Variants in SIPA1L2 observed in about 807,000 individuals in gnomAD.
The protein encoded by SIPA1L2 is signal-induced proliferation-associated 1-like protein 2.
In SIPA1L2, 56 loss-of-function variants were observed where a neutral mutation model predicts 163.9. The ratio of observed to expected loss-of-function variants is 0.34; its 90% CI spans 0.28 to 0.43. The LOEUF (loss-of-function observed/expected upper bound fraction) is 0.43. Among genes scored for constraint, SIPA1L2 ranks in the 20% least tolerant of loss-of-function variants. The pLI is 1.00. For synonymous variants in SIPA1L2, 877 were observed against 865.7 expected, an observed-to-expected ratio of 1.01 and a Z score of -0.23; for missense variants, 1,974 against 2,193.5, an observed-to-expected ratio of 0.90 and a Z score of 2.00.
At chr1:232,566,574 T>C (rs778697188) in intron 2 of SIPA1L2, among the ~76,000 whole-genome samples, 7 of 152,218 alleles carry the variant, frequency 4.6e-5, no homozygotes, top group Non-Finnish European at 7.3e-5. Flanking sequence ...AATAACACTG[T>C]AGAAGGCTTG....
At chr1:232,581,696 G>A (rs2765876) in intron 1 of SIPA1L2, among the ~76,000 whole-genome samples, 1 of 151,962 alleles carries the variant, frequency 6.6e-6, no homozygotes, top group Non-Finnish European at 1.5e-5. Flanking sequence ...TATGGCCCAA[G>A]TACCTTCGTA....
At chr1:232,473,993 T>C (rs746625591) in intron 7 of SIPA1L2, among the ~76,000 whole-genome samples, 5 of 152,266 alleles carry the variant, frequency 3.3e-5, no homozygotes, top group Non-Finnish European at 7.3e-5. Context: ...TTTCTTGAAC[T>C]TCTTAAAGGC....
chr1:232,412,010 T>C (rs1660983802), intron 19 of SIPA1L2, among the ~76,000 whole-genome samples: 2 of 152,358 alleles, frequency 1.3e-5, no homozygotes, highest in South Asian at 4.1e-4. Flanking sequence ...TACCTGACTC[T>C]CACCCACAAC....
chr1:232,509,824 T>C (rs1162318599), intron 3 of SIPA1L2, among the ~76,000 whole-genome samples: 1 of 152,106 alleles, frequency 6.6e-6, no homozygotes, highest in Non-Finnish European at 1.5e-5. Flanking sequence ...AAGAGCTAAA[T>C]ATAGGAGGAG....
intron 1 of SIPA1L2, among the ~76,000 whole-genome samples, chr1:232,613,627 A>G (rs150894400): frequency 2.0e-5 from 3 of 152,318 alleles, no homozygotes; most frequent in African/African-American, 7.2e-5. Context: ...TACAGATACC[A>G]CCATAAAGAC....
chr1:232,429,775 C>T (rs975738318), intron 16 of SIPA1L2, among the ~76,000 whole-genome samples: 9 of 152,110 alleles, frequency 5.9e-5, no homozygotes, highest in African/African-American at 1.9e-4. Flanking sequence ...ATAGTTTTTA[C>T]GAAGACTGCA....
At chr1:232,404,857 C>T (rs1660549788) in intron 19 of SIPA1L2, among the ~76,000 whole-genome samples, 1 of 152,128 alleles carries the variant, frequency 6.6e-6, no homozygotes, top group Admixed American at 6.5e-5. Context: ...CCTGGAGTCT[C>T]TCTGCTTGGT....
intron 1 of SIPA1L2, among the ~76,000 whole-genome samples, chr1:232,600,791 C>G (rs1246701967): frequency 6.6e-6 from 1 of 152,080 alleles, no homozygotes; most frequent in African/African-American, 2.4e-5. Context: ...GGCAGTTGCT[C>G]CAGGAAAACT....
chr1:232,540,702 G>A (rs551743214), intron 2 of SIPA1L2, among the ~76,000 whole-genome samples: 4 of 151,984 alleles, frequency 2.6e-5, no homozygotes, highest in South Asian at 2.1e-4. Context: ...CTGAGCCTAC[G>A]GAGAAAGAAA....
rs1470633748 is a variant in SIPA1L2 at position 232,441,806 on chromosome 1, C to G, written c.3500G>C (p.Arg1167Thr). The G allele has an allele frequency of 6.2e-7, 1 of 1,613,950 alleles. No individual in the cohort carries two copies. The highest frequency in any genetic ancestry group is 8.5e-7 in the Non-Finnish European group (1 of 1,179,970). Residue 1167 changes from arginine to threonine, a missense_variant, in exon 13 of 23, where the codon AGG (arginine) becomes ACG (threonine). By Grantham distance (71) the Arg-to-Thr change is moderately conservative (BLOSUM62 -1). Coordinates refer to ENST00000674635, the MANE Select transcript of SIPA1L2 (RefSeq NM_020808.5). ...GSGPLECDGA[R>T]EREDTMEASR... Reference sequence around the variant, plus strand: ...TGCTTCCATGGTGTCTTCCCTCTCCCTGGCTCCGTCACATTCCAAAGGGCC... The same window carrying G: ...TGCTTCCATGGTGTCTTCCCTCTCCGTGGCTCCGTCACATTCCAAAGGGCC...
intron 2 of SIPA1L2, among the ~76,000 whole-genome samples, chr1:232,561,900 TG>T (rs1387848853): frequency 6.6e-6 from 1 of 152,144 alleles, no homozygotes; most frequent in African/African-American, 2.4e-5. Flanking sequence ...AGGTGACTCT[TG>T]ATATGGAGGC....
chr1:232,464,724 A>C (rs1257323375), intron 9 of SIPA1L2, 116 bp downstream of exon 9: 1 of 848,270 alleles, frequency 1.2e-6, no homozygotes, highest in African/African-American at 1.7e-5. Flanking sequence ...ATCTGTAACA[A>C]ATAGTAATGC....
intron 5 of SIPA1L2, among the ~76,000 whole-genome samples, chr1:232,484,663 A>G (rs1028090616): frequency 2.0e-5 from 3 of 152,218 alleles, no homozygotes; most frequent in African/African-American, 7.2e-5. Context: ...CTGTAATCCT[A>G]TCTTACAGTC....
chr1:232,603,016 G>A (rs1048691868), intron 1 of SIPA1L2, among the ~76,000 whole-genome samples: 1 of 152,174 alleles, frequency 6.6e-6, no homozygotes, highest in Non-Finnish European at 1.5e-5. Flanking sequence ...GCAGGAGCAG[G>A]GGGGATAAAA....
chr1:232,525,399 CTATTT>C (rs1409433272), intron 2 of SIPA1L2, among the ~76,000 whole-genome samples: 9 of 124,902 alleles, frequency 7.2e-5, no homozygotes, highest in African/African-American at 2.7e-4. Flanking sequence ...CCAAGCCTGG[CTATTT>C]TTTTTTTTTT....
chr1:232,413,229 T>C, intron 19 of SIPA1L2, among the ~76,000 whole-genome samples: 1 of 152,222 alleles, frequency 6.6e-6, no homozygotes, highest in East Asian at 1.9e-4. Flanking sequence ...CTATTTAACA[T>C]TCACCAAGTT....
At chr1:232,540,596 A>G (rs776696456) in intron 2 of SIPA1L2, among the ~76,000 whole-genome samples, 13 of 152,254 alleles carry the variant, frequency 8.5e-5, no homozygotes, top group Non-Finnish European at 1.5e-4. Flanking sequence ...GGCAATTTCC[A>G]TAAGTGTTAG....
intron 10 of SIPA1L2, among the ~76,000 whole-genome samples, chr1:232,447,626 T>C (rs1482086625): frequency 1.3e-5 from 2 of 152,248 alleles, no homozygotes; most frequent in East Asian, 1.9e-4. Flanking sequence ...TTCTTGGCTA[T>C]GGGGGCCTTG....
chr1:232,555,708 A>G (rs1300678975), intron 2 of SIPA1L2, among the ~76,000 whole-genome samples: 10 of 152,212 alleles, frequency 6.6e-5, no homozygotes, highest in Non-Finnish European at 1.3e-4. Flanking sequence ...CACGGAGCCT[A>G]TGCAGTCTTT....
Sources: allele counts gnomAD v4.1 joint callset (sites outside exome capture counted in the v4.1 genomes callset), GRCh38; gene constraint gnomAD v4.1.1; transcripts MANE v1.5; gene names NCBI Gene and HGNC (gene_info 2026-07-23, HGNC 2026-07-21).